ANKRD11: variants seen among roughly 807,000 people sequenced by gnomAD.
The protein encoded by ANKRD11 is ankyrin repeat domain 11.
In ANKRD11, 17 loss-of-function variants were observed where a neutral mutation model predicts 195.7. That is an observed-to-expected ratio of 0.09 (90% confidence interval 0.06 to 0.13). ANKRD11 has a LOEUF of 0.13. Ranked by LOEUF, ANKRD11 falls within the 10% of genes least tolerant of loss-of-function variation. ANKRD11 has a pLI of 1.00. For missense variants in ANKRD11, 3,735 were observed against 3,566.1 expected (o/e 1.05, Z -1.21); for synonymous variants, 1,953 against 1,528.1 (o/e 1.28, Z -6.49).
At chr16:89,380,405 C>T (rs746636991) in intron 2 of ANKRD11, among the ~76,000 whole-genome samples, 2 of 152,150 alleles carry the variant, frequency 1.3e-5, no homozygotes, top group Non-Finnish European at 2.9e-5. Flanking sequence ...AGCCACTGTG[C>T]CCAGCCCAAT....
At chr16:89,428,860 T>C (rs938435836) in intron 1 of ANKRD11, among the ~76,000 whole-genome samples, 1 of 151,978 alleles carries the variant, frequency 6.6e-6, no homozygotes, top group African/African-American at 2.4e-5. Context: ...TGCCAATGCA[T>C]TATAGCCTGG....
chr16:89,400,884 A>T lies in ANKRD11; in HGVS notation c.-60+17400T>A. ...CCTGGACCAGCTGCACACACCTTGGACGCCTGTCGCCCTCCACCCTCTGCA... is the reference window on the plus strand; with the variant it reads ...CCTGGACCAGCTGCACACACCTTGGTCGCCTGTCGCCCTCCACCCTCTGCA... On this transcript the variant is annotated intron_variant, in intron 2 of 12. Coordinates refer to ENST00000301030, the MANE Select transcript of ANKRD11 (RefSeq NM_013275.6). Among the ~76,000 whole-genome samples, 2 of 152,022 alleles carry T rather than the reference A, an allele frequency of 1.3e-5. 1 individual carries two copies.
chr16:89,399,566 G>C (rs2041607357), intron 2 of ANKRD11, among the ~76,000 whole-genome samples: 1 of 152,154 alleles, frequency 6.6e-6, no homozygotes, highest in African/African-American at 2.4e-5. Flanking sequence ...AAACTACTCT[G>C]TATGATACCA....
chr16:89,285,327 A>G lies in ANKRD11; in HGVS notation c.1215T>C (p.Arg405=), dbSNP rs2034575849. The change falls in exon 9 of 13, where the codon CGT becomes CGC. Residue 405 remains arginine, a synonymous_variant. Coordinates refer to ENST00000301030, the MANE Select transcript of ANKRD11 (RefSeq NM_013275.6). The surrounding 1 kb of genome is among the most constrained non-coding windows in gnomAD (Gnocchi z 5.6). ...NTIAPKKASH[R]ILSDTSDEED... is the part of the protein sequence containing the mutation. ...CCTCGTCCGACGTGTCTGACAGGAT[A>G]CGATGGGACGCTTTCTTTGGTGCAA... 1 of 1,614,024 alleles carries G rather than the reference A, an allele frequency of 6.2e-7. No homozygotes were observed. The highest frequency in any genetic ancestry group is 8.5e-7 in the Non-Finnish European group (1 of 1,180,038).
chr16:89,475,108 A>T (rs1380599572), intron 1 of ANKRD11, among the ~76,000 whole-genome samples: 1 of 152,192 alleles, frequency 6.6e-6, no homozygotes, highest in Non-Finnish European at 1.5e-5. Context: ...GTAATTTTCC[A>T]ACAGACCCTC....
chr16:89,310,646 C>G (rs2036559394), intron 3 of ANKRD11, among the ~76,000 whole-genome samples: 1 of 152,192 alleles, frequency 6.6e-6, no homozygotes, highest in Non-Finnish European at 1.5e-5. Flanking sequence ...TTTCAGGGTA[C>G]AGGTTTTGCA....
At position 89,282,661 on chromosome 16, in the gene ANKRD11, T is replaced by A. The variant is rs1445004691; in HGVS notation, c.3881A>T (p.Glu1294Val). 3 of 1,614,166 alleles carry A rather than the reference T, an allele frequency of 1.9e-6. No individual in the cohort carries two copies. Among genetic ancestry groups the A allele is most frequent in the Non-Finnish European group, 2.5e-6 (3 of 1,180,048 alleles). Residue 1294 changes from glutamate (E) to valine (V), a missense_variant, in exon 9 of 13, where the codon GAA (glutamate) becomes GTA (valine). Physicochemically the swap from Glu to Val is moderately radical, Grantham distance 121. Coordinates refer to ENST00000301030, the MANE Select transcript of ANKRD11 (RefSeq NM_013275.6). ...CTCGCTGATTTTATCGTTGGAGTCT[T>A]CTCTGTACTCATGGAGAGCCTCTTC... ...LEEEALHEYREDSNDKISEVS... is the reference protein window; with the variant it reads ...LEEEALHEYRVDSNDKISEVS...
intron 2 of ANKRD11, among the ~76,000 whole-genome samples, chr16:89,381,331 CAAAAAAAAAAA>C (rs10567322): frequency 1.3e-5 from 1 of 76,366 alleles, no homozygotes; most frequent in South Asian, 5.0e-4. Flanking sequence ...GACTCTGCTG[CAAAAAAAAAAA>C]AAAAAAAAAA....
intron 2 of ANKRD11, chr16:89,373,555 T>C (rs1391665200): frequency 1.3e-5 from 2 of 152,274 alleles, no homozygotes; most frequent in African/African-American, 4.8e-5. Context: ...ATATGGCTCA[T>C]AGCAGTACCA....
intron 4 of ANKRD11, 123 bp downstream of exon 4, chr16:89,305,083 C>T (rs760153819): frequency 8.4e-5 from 120 of 1,421,610 alleles, no homozygotes; most frequent in African/African-American, 2.3e-4. Context: ...GCCTGGACGG[C>T]GTGCAGGGTG....
intron 1 of ANKRD11, among the ~76,000 whole-genome samples, chr16:89,482,941 C>A (rs1396492838): frequency 6.6e-6 from 1 of 152,188 alleles, no homozygotes; most frequent in Admixed American, 6.5e-5. Flanking sequence ...AAGGAACCAG[C>A]CCTACCTACC....
intron 2 of ANKRD11, among the ~76,000 whole-genome samples, chr16:89,393,445 C>T (rs938326259): frequency 1.1e-4 from 16 of 151,424 alleles, no homozygotes; most frequent in African/African-American, 2.9e-4. Flanking sequence ...CACCTCAGTC[C>T]CCCATGTAGC....
chr16:89,330,143 A>G (rs1007994023), intron 2 of ANKRD11, among the ~76,000 whole-genome samples: 5 of 152,212 alleles, frequency 3.3e-5, no homozygotes, highest in Non-Finnish European at 7.4e-5. Flanking sequence ...GATTTAAAGC[A>G]TTCAATATAA....
At chr16:89,347,607 TAAA>T (rs5818710) in intron 2 of ANKRD11, among the ~76,000 whole-genome samples, 2 of 127,344 alleles carry the variant, frequency 1.6e-5, no homozygotes, top group African/African-American at 3.0e-5. Flanking sequence ...CGAGACTCCG[TAAA>T]AAAAAAAAAA....
intron 3 of ANKRD11, among the ~76,000 whole-genome samples, chr16:89,311,613 A>G (rs2036611087): frequency 6.6e-6 from 1 of 152,274 alleles, no homozygotes; most frequent in Non-Finnish European, 1.5e-5. Flanking sequence ...TCTAAGAACT[A>G]AAACTATCAA....
chr16:89,489,913 C>A (rs1223346448), intron 1 of ANKRD11, among the ~76,000 whole-genome samples: 1 of 139,904 alleles, frequency 7.1e-6, no homozygotes, highest in Admixed American at 6.9e-5. Context: ...CCGCCCGGAG[C>A]CCCCGTCCGC....
chr16:89,416,266 C>T (rs933496990), intron 2 of ANKRD11, among the ~76,000 whole-genome samples: 44 of 152,174 alleles, frequency 2.9e-4, no homozygotes, highest in African/African-American at 1.1e-3. Context: ...GCTTGCTCCC[C>T]TTTAATCAGA....
At chr16:89,473,419 C>A (rs1177347570) in intron 1 of ANKRD11, among the ~76,000 whole-genome samples, 1 of 152,202 alleles carries the variant, frequency 6.6e-6, no homozygotes, top group Non-Finnish European at 1.5e-5. Context: ...CCACATCCAT[C>A]ATCTCATCTC....
chr16:89,347,604 C>A (rs1693365289), intron 2 of ANKRD11, among the ~76,000 whole-genome samples: 1 of 115,704 alleles, frequency 8.6e-6, no homozygotes, highest in Non-Finnish European at 1.8e-5. Flanking sequence ...GAGCGAGACT[C>A]CGTAAAAAAA....
Sources: allele counts gnomAD v4.1 joint callset (sites outside exome capture counted in the v4.1 genomes callset), GRCh38; gene constraint gnomAD v4.1.1; non-coding constraint Gnocchi (gnomAD v3.1); transcripts MANE v1.5; gene names NCBI Gene and HGNC (gene_info 2026-07-23, HGNC 2026-07-21).